TBL3: variants seen among roughly 807,000 people sequenced by gnomAD.
The protein encoded by TBL3 is transducin beta-like protein 3.
In TBL3, 71 loss-of-function variants were observed where a neutral mutation model predicts 102.7. That is an observed-to-expected ratio of 0.69 (90% CI 0.57 to 0.84). The LOEUF is 0.84. Among genes scored for constraint, TBL3 ranks in the 40% least tolerant of loss-of-function variants. The pLI, the probability that TBL3 is intolerant of heterozygous loss-of-function variation, is 0.00. For synonymous variants in TBL3, 578 were observed against 477.7 expected, an observed-to-expected ratio of 1.21 and a Z score of -2.74; for missense variants, 1,188 against 1,098.5, an observed-to-expected ratio of 1.08 and a Z score of -1.15.
In TBL3 at chr16:1,979,961, A is replaced by T; in HGVS notation, c.*1276A>T. 1.3e-6 allele frequency: 2 copies of T among 1,586,104 alleles called. No individual in the cohort carries two copies. Among genetic ancestry groups the T allele is most frequent in the Admixed American group, 3.6e-5 (2 of 55,988 alleles). ...TCGAGGCTCCCTCGGGTCCAGGAGC[A>T]GAGGAGCAAATCCCTGGGTTCTTGG... On this transcript the variant is annotated 3_prime_UTR_variant, in exon 22 of 22. Transcript: ENST00000568546.
rs201601617 is a variant in TBL3 at position 1,974,153 on chromosome 16, G to A, written c.94-44G>A. On this transcript the variant is annotated intron_variant, in intron 2 of 21. Coordinates refer to ENST00000568546, the MANE Select transcript of TBL3 (RefSeq NM_006453.3). ...AGTGGGGCGGGCAGCCAGAGGCCGC[G>A]GGGGGTGCTGAATGTTGCCTGGCTG... 6.8e-4 allele frequency: 1,061 copies of A among 1,562,390 alleles called. 3 individuals are homozygous for A. The highest frequency in any genetic ancestry group is 2.4e-3 in the South Asian group (204 of 84,998).
chr16:1,973,058 G>A (rs1355467538), intron 1 of TBL3, among the ~76,000 whole-genome samples: 3 of 152,178 alleles, frequency 2.0e-5, no homozygotes, highest in African/African-American at 7.2e-5. Context: ...GGCAAGGTCT[G>A]GGAGGTGTGT....
Position 1,972,055 on chromosome 16 carries a change from A to G in TBL3, c.-110A>G. The G allele has an allele frequency of 1.6e-6, 2 of 1,257,772 alleles. No homozygotes were observed. The highest frequency in any genetic ancestry group is 4.1e-5 in the South Asian group (2 of 48,216). The allele number at this position is 1,257,772 out of a possible 1,614,324, so 77.9% of individuals were successfully genotyped here. On this transcript the variant is annotated 5_prime_UTR_variant, in exon 1 of 22. Transcript: ENST00000568546. ...TGGTCGCGCGCGGTGACGCCATCGC[A>G]GCGCGCCGGGAGTGTGGCGTTCTGT...
At position 1,976,953 on chromosome 16, in the gene TBL3, C is replaced by T; in HGVS notation, c.1432C>T (p.His478Tyr). The T allele has an allele frequency of 1.2e-6, 2 of 1,613,892 alleles. No individual in the cohort carries two copies. Among genetic ancestry groups the T allele is most frequent in the Non-Finnish European group, 1.7e-6 (2 of 1,180,018 alleles). ...LLQAQTTQRC[H>Y]DKDINSVAIA... is the part of the protein sequence containing the mutation. ...GCAGGCCCAGACCACTCAGCGCTGC[C>T]ATGATAAGGTGACTCCATAGCCACT... Residue 478 changes from histidine to tyrosine, a missense_variant, in exon 14 of 22, where the codon CAT becomes TAT. Physicochemically the swap from His to Tyr is moderately conservative, Grantham distance 83 (BLOSUM62 2). Coordinates refer to ENST00000568546, the MANE Select transcript of TBL3 (RefSeq NM_006453.3).
Position 1,980,163 on chromosome 16 carries a change from G to A in TBL3, c.*1478G>A, listed in dbSNP as rs1207428004. On this transcript the variant is annotated 3_prime_UTR_variant, in exon 22 of 22. Coordinates refer to ENST00000568546, the MANE Select transcript of TBL3 (RefSeq NM_006453.3). ...CGCGAGAAAGAGGCTGCTCCTCTGG[G>A]GTGGGCAGGATCACCCGGCTGGGAA... is the stretch of plus-strand genomic sequence containing the variant. 1 of 1,602,942 alleles carries A rather than the reference G, an allele frequency of 6.2e-7. No individual in the cohort carries two copies. The highest frequency in any genetic ancestry group is 8.5e-7 in the Non-Finnish European group (1 of 1,177,462).
rs754828616 is a variant in TBL3 at position 1,980,656 on chromosome 16, C to T, written c.*1971C>T. ...GCTCCCGTACCCAGGCTGGCCTGAC[C>T]GAGAAGCTTTGGGAGAACGCGGTCA... is the stretch of plus-strand genomic sequence containing the variant. On this transcript the variant is annotated 3_prime_UTR_variant, in exon 22 of 22. Coordinates refer to ENST00000568546, the MANE Select transcript of TBL3 (RefSeq NM_006453.3). 4 of 1,605,282 alleles carry T rather than the reference C, an allele frequency of 2.5e-6. No homozygotes were observed. In the Admixed American group the frequency reaches 6.8e-5, roughly 27 times the overall value.
chr16:1,979,798 C>G lies in TBL3; in HGVS notation c.*1113C>G. The G allele has an allele frequency of 3.9e-6, 6 of 1,553,120 alleles. No homozygotes were observed. Among genetic ancestry groups the G allele is most frequent in the Non-Finnish European group, 5.2e-6 (6 of 1,150,822 alleles). Reference sequence around the variant, plus strand: ...TGGGGTTAGGCGCATACCGCTGCTCCCTAGGGACGGGCCTCCCTCCCGGCC... The same window carrying G: ...TGGGGTTAGGCGCATACCGCTGCTCGCTAGGGACGGGCCTCCCTCCCGGCC... On this transcript the variant is annotated 3_prime_UTR_variant, in exon 22 of 22. Transcript: ENST00000568546.
intron 4 of TBL3, 41 bp from the exon 5 acceptor site, chr16:1,974,497 A>G (rs767034047): frequency 1.8e-5 from 28 of 1,585,150 alleles, no homozygotes; most frequent in African/African-American, 4.0e-5. Context: ...AGATGTGAGC[A>G]GGGTATTGCT....
rs150335097 is a variant in TBL3, at chr16:1,978,414, G to C, written c.2236G>C (p.Glu746Gln). ...GCTCTTGAGGCGAGAGGCCCCCGAG[G>C]AGCTGCTGGCCTACGAAGGCGTGCG... Reference protein sequence around the residue: ...GVLLRREAPEELLAYEGVRAA... With the variant: ...GVLLRREAPEQLLAYEGVRAA... The change falls in exon 21 of 22, where the codon GAG becomes CAG. Residue 746 changes from glutamate to glutamine, a missense_variant. Coordinates refer to ENST00000568546, the MANE Select transcript of TBL3 (RefSeq NM_006453.3). The C allele has an allele frequency of 6.8e-6, 11 of 1,611,364 alleles. No homozygotes were observed. The highest frequency in any genetic ancestry group is 9.3e-6 in the Non-Finnish European group (11 of 1,179,008).
Position 1,981,167 on chromosome 16 carries a change from G to C in TBL3, c.*2482G>C. ...GCCCCTTGCACTGAAACTGGGTATC[G>C]GGGGCCTGCCATGGCTGTGGCTTCC... On this transcript the variant is annotated 3_prime_UTR_variant, in exon 22 of 22. Coordinates refer to ENST00000568546, the MANE Select transcript of TBL3 (RefSeq NM_006453.3). The C allele has an allele frequency of 6.2e-7, 1 of 1,613,574 alleles. No individual in the cohort carries two copies. Among genetic ancestry groups the C allele is most frequent in the Non-Finnish European group, 8.5e-7 (1 of 1,179,982 alleles).
At position 1,979,443 on chromosome 16, in the gene TBL3, C is replaced by G. The variant is rs772462889; in HGVS notation, c.*758C>G. ...CGCGTACCTGCATAGCCACCAGCCG[C>G]GGTCTGACGTTTCCAACACGCGCAC... is the stretch of plus-strand genomic sequence containing the variant. On this transcript the variant is annotated 3_prime_UTR_variant, in exon 22 of 22. Coordinates refer to ENST00000568546, the MANE Select transcript of TBL3 (RefSeq NM_006453.3). 1.2e-6 allele frequency: 2 copies of G among 1,610,458 alleles called. No individual in the cohort carries two copies. Among genetic ancestry groups the G allele is most frequent in the South Asian group, 1.1e-5 (1 of 90,928 alleles).
At position 1,972,218 on chromosome 16, in the gene TBL3, C is replaced by G. The variant is rs1165001677; in HGVS notation, c.41+13C>G. ...GCTTCAAGACCAAGTGAGCCCGGAG[C>G]TCTGGGGCCGTGCGGGGAGGGAGCT... On this transcript the variant is annotated intron_variant, in intron 1 of 21. Transcript: ENST00000568546. 1 of 1,379,334 alleles carries G rather than the reference C, an allele frequency of 7.2e-7. No individual in the cohort carries two copies. Among genetic ancestry groups the G allele is most frequent in the Non-Finnish European group, 9.4e-7 (1 of 1,060,068 alleles). 85.4% of individuals were successfully genotyped at this position (1,379,334 alleles called of 1,614,324 possible). A position where few individuals can be genotyped will look rare whatever the true frequency, so the allele number is the denominator to read the frequency against.
chr16:1,981,395 T>A lies in TBL3; in HGVS notation c.*2710T>A. 2.5e-6 allele frequency: 3 copies of A among 1,220,690 alleles called. No homozygotes were observed. Among genetic ancestry groups the A allele is most frequent in the Non-Finnish European group, 3.3e-6 (3 of 907,218 alleles). The allele number at this position is 1,220,690 out of a possible 1,614,324, so 75.6% of individuals were successfully genotyped here. On this transcript the variant is annotated 3_prime_UTR_variant, in exon 22 of 22. Coordinates refer to ENST00000568546, the MANE Select transcript of TBL3 (RefSeq NM_006453.3). ...CGATCTGGGGGCAGGAGCACAGGGA[T>A]TGGGGGACTTCCAGGCAGAGCTGCT...
rs542256990 is a variant in TBL3, at chr16:1,979,450, A to T, written c.*765A>T. 1 of 1,611,138 alleles carries T rather than the reference A, an allele frequency of 6.2e-7. No homozygotes were observed. ...CTGCATAGCCACCAGCCGCGGTCTGACGTTTCCAACACGCGCACGCGCGCC... is the reference window on the plus strand; with the variant it reads ...CTGCATAGCCACCAGCCGCGGTCTGTCGTTTCCAACACGCGCACGCGCGCC... On this transcript the variant is annotated 3_prime_UTR_variant, in exon 22 of 22. Transcript: ENST00000568546.
chr16:1,977,771 G>C lies in TBL3; in HGVS notation c.1929G>C (p.Glu643Asp). The change falls in exon 18 of 22, where the codon GAG becomes GAC. Residue 643 changes from glutamate (E) to aspartate (D), a missense_variant. Glu to Asp is a conservative substitution (Grantham distance 45). Coordinates refer to ENST00000568546, the MANE Select transcript of TBL3 (RefSeq NM_006453.3). ...KDVTEAEQAE[E>D]QARQEEQVVR... ...TGACCGAGGCGGAGCAGGCAGAGGAGCAGGCCAGGCAAGAGGAGCAGGTGG... is the reference window on the plus strand; with the variant it reads ...TGACCGAGGCGGAGCAGGCAGAGGACCAGGCCAGGCAAGAGGAGCAGGTGG... 6.4e-7 allele frequency: 1 copy of C among 1,556,046 alleles called. No homozygotes were observed.
rs745611299 is a variant in TBL3, at chr16:1,974,102, G to C, written c.88G>C (p.Ala30Pro). The change falls in exon 2 of 22, where the codon GCA becomes CCA. Residue 30 changes from alanine to proline, a missense_variant. By Grantham distance (27) the Ala-to-Pro change is conservative. Coordinates refer to ENST00000568546, the MANE Select transcript of TBL3 (RefSeq NM_006453.3). The part of the protein sequence containing the change: ...KIEPFYKGGK[A>P]QLDQTGQHLF... Reference sequence around the variant, plus strand: ...TGAGCCTTTCTACAAGGGCGGAAAAGCACAGGTACCAGCCTGGGGAAGGGC... The same window carrying C: ...TGAGCCTTTCTACAAGGGCGGAAAACCACAGGTACCAGCCTGGGGAAGGGC... The C allele has an allele frequency of 1.3e-6, 2 of 1,586,212 alleles. No homozygotes were observed. Among genetic ancestry groups the C allele is most frequent in the East Asian group, 4.5e-5 (2 of 44,230 alleles).
rs745654844 is a variant in TBL3 at position 1,979,989 on chromosome 16, G to T, written c.*1304G>T. 1.6e-5 allele frequency: 26 copies of T among 1,598,494 alleles called. No homozygotes were observed. Among genetic ancestry groups the T allele is most frequent in the South Asian group, 3.4e-5 (3 of 88,920 alleles). On this transcript the variant is annotated 3_prime_UTR_variant, in exon 22 of 22. Coordinates refer to ENST00000568546, the MANE Select transcript of TBL3 (RefSeq NM_006453.3). ...GGAGCAAATCCCTGGGTTCTTGGGG[G>T]GCCCTACCTGAGGGGTGCCGCAGCA...
At chr16:1,978,494 TGGG>T in intron 21 of TBL3, 23 bp downstream of exon 21, 1 of 1,590,360 alleles carries the variant, frequency 6.3e-7, no homozygotes, top group South Asian at 1.1e-5. Flanking sequence ...AGCCTGGGGT[TGGG>T]GGATCCTGGT....
In TBL3 at chr16:1,977,145, G is replaced by C; in HGVS notation, c.1532G>C (p.Cys511Ser). The change falls in exon 15 of 22, where the codon TGC becomes TCC. Residue 511 changes from cysteine to serine, a missense_variant. Coordinates refer to ENST00000568546, the MANE Select transcript of TBL3 (RefSeq NM_006453.3). ...GCCAAGCTCTGGGCCCTGCCACAGT[G>C]CCAGCTGCTGGGTGTCTTCTCAGGC... ...RTAKLWALPQ[C>S]QLLGVFSGHR... 6.2e-7 allele frequency: 1 copy of C among 1,613,044 alleles called. No individual in the cohort carries two copies. Among genetic ancestry groups the C allele is most frequent in the Non-Finnish European group, 8.5e-7 (1 of 1,180,008 alleles).
Sources: allele counts gnomAD v4.1 joint callset (sites outside exome capture counted in the v4.1 genomes callset), GRCh38; gene constraint gnomAD v4.1.1; transcripts MANE v1.5; gene names NCBI Gene and HGNC (gene_info 2026-07-23, HGNC 2026-07-21).